The following THNSL1 variants were observed in gnomAD, a reference collection of about 807,000 sequenced individuals.
THNSL1 encodes the protein threonine synthase-like 1.
Under a neutral mutation model 50.4 loss-of-function variants are expected in THNSL1, and 48 were observed. The observed-to-expected ratio is 0.95, with a 90% CI of 0.76 to 1.21. The LOEUF (loss-of-function observed/expected upper bound fraction) is 1.21. Ranked by LOEUF, THNSL1 falls within the 50% of genes most tolerant of loss-of-function variation. The pLI, the probability that THNSL1 is intolerant of heterozygous loss-of-function variation, is 0.00. For synonymous variants in THNSL1, 309 were observed against 306.1 expected, an observed-to-expected ratio of 1.01 and a Z score of -0.10; for missense variants, 896 against 871.7, an observed-to-expected ratio of 1.03 and a Z score of -0.35.
the THNSL1 span, among the ~76,000 whole-genome samples, chr10:24,998,800 G>A: frequency 7.2e-5 from 11 of 152,080 alleles, no homozygotes; most frequent in African/African-American, 2.7e-4. Flanking sequence ...AAAACACAAG[G>A]CTACTTGATC....
chr10:24,966,832 A>C, the THNSL1 span, among the ~76,000 whole-genome samples: 28 of 152,342 alleles, frequency 1.8e-4, no homozygotes, highest in Admixed American at 6.5e-4. Flanking sequence ...TATCTACATC[A>C]TAAGGCTATT....
chr10:25,002,730 GT>G, the THNSL1 span, among the ~76,000 whole-genome samples: 2 of 151,890 alleles, frequency 1.3e-5, no homozygotes, highest in African/African-American at 2.4e-5. Context: ...AAACATTATT[GT>G]TTTTTTCCTT....
At chr10:25,021,110 A>G (rs1304324899) in intron 1 of THNSL1, among the ~76,000 whole-genome samples, 2 of 152,206 alleles carry the variant, frequency 1.3e-5, no homozygotes, top group Non-Finnish European at 2.9e-5. Flanking sequence ...AAACCAAACC[A>G]TAAAAAAAAT....
the THNSL1 span, among the ~76,000 whole-genome samples, chr10:25,006,081 A>G: frequency 6.6e-6 from 1 of 152,218 alleles, no homozygotes; most frequent in African/African-American, 2.4e-5. Context: ...AATTACATAC[A>G]TGACTCTCAT....
the THNSL1 span, among the ~76,000 whole-genome samples, chr10:24,962,912 C>A: frequency 6.6e-6 from 1 of 152,178 alleles, no homozygotes; most frequent in Non-Finnish European, 1.5e-5. Context: ...CCCTAAAAGT[C>A]ACACACACAG....
Position 25,025,557 on chromosome 10 carries a change from C to A in THNSL1, c.*102C>A. The A allele has an allele frequency of 8.8e-7, 1 of 1,138,862 alleles. No homozygotes were observed. The highest frequency in any genetic ancestry group is 1.2e-6 in the Non-Finnish European group (1 of 808,480). 70.5% of individuals were successfully genotyped at this position (1,138,862 alleles called of 1,614,324 possible). On this transcript the variant is annotated 3_prime_UTR_variant, in exon 3 of 3. Coordinates refer to ENST00000376356, the MANE Select transcript of THNSL1 (RefSeq NM_024838.5). ...AGCATTTTGTCTTTTATGTAAATAT[C>A]TCTATATCTGTTTGGAATTTCAAAA...
chr10:25,025,867 G>C lies in THNSL1; in HGVS notation c.*412G>C, dbSNP rs1850841070. 5.8e-6 allele frequency: 1 copy of C among 170,982 alleles called. No homozygotes were observed. Among genetic ancestry groups the C allele is most frequent in the Non-Finnish European group, 1.4e-5 (1 of 70,896 alleles). The allele number at this position is 170,982 out of a possible 1,614,324, so 10.6% of individuals were successfully genotyped here. ...GAAAGTTAATTTACCACTCAAAATG[G>C]CTAACTTGAATGGAGGAAGTAGTAA... is the stretch of plus-strand genomic sequence containing the variant. On this transcript the variant is annotated 3_prime_UTR_variant, in exon 3 of 3. Coordinates refer to ENST00000376356, the MANE Select transcript of THNSL1 (RefSeq NM_024838.5).
chr10:24,954,689 A>C, the THNSL1 span, among the ~76,000 whole-genome samples: 1 of 152,194 alleles, frequency 6.6e-6, no homozygotes. Context: ...CATCCTATAA[A>C]GGGCACAGAA....
chr10:25,023,801 A>T lies in THNSL1; in HGVS notation c.578A>T (p.Tyr193Phe), dbSNP rs1001769294. 6.2e-7 allele frequency: 1 copy of T among 1,614,102 alleles called. No homozygotes were observed. Among genetic ancestry groups the T allele is most frequent in the Non-Finnish European group, 8.5e-7 (1 of 1,180,036 alleles). The change falls in exon 3 of 3, where the codon TAT becomes TTT. Residue 193 changes from tyrosine to phenylalanine, a missense_variant. Transcript: ENST00000376356. ...TTACTTAAATTTAGAAGACAGTATT[A>T]TAAGAAGTGGTATGATGCTCGTGTT... ...KDLLKFRRQY[Y>F]KKWYDARVFC...
chr10:24,981,764 T>C, the THNSL1 span, among the ~76,000 whole-genome samples: 13 of 152,214 alleles, frequency 8.5e-5, no homozygotes, highest in African/African-American at 1.2e-4. Context: ...AGAAAGGTTA[T>C]GTAGCATACT....
At chr10:24,971,226 A>G in the THNSL1 span, among the ~76,000 whole-genome samples, 1 of 152,146 alleles carries the variant, frequency 6.6e-6, no homozygotes, top group Admixed American at 6.5e-5. Context: ...AGCCACCTGA[A>G]TAGATGGGAC....
At chr10:25,016,416 G>C (rs1183461609), upstream of THNSL1, among the ~76,000 whole-genome samples, 1 of 152,228 alleles carries the variant, frequency 6.6e-6, no homozygotes, top group South Asian at 2.1e-4. Context: ...GTGCGCAGGC[G>C]TCACCCAATA....
the THNSL1 span, among the ~76,000 whole-genome samples, chr10:24,980,674 C>G: frequency 1.1e-4 from 16 of 152,026 alleles, no homozygotes; most frequent in Admixed American, 2.0e-4. Context: ...TTTTTTTTCT[C>G]TTGACTCTGT....
At position 25,025,893 on chromosome 10, in the gene THNSL1, A is replaced by G. The variant is rs1252784690; in HGVS notation, c.*438A>G. The stretch of plus-strand genomic sequence containing the variant: ...CTAACTTGAATGGAGGAAGTAGTAA[A>G]CTCTTCTATTAGGATTTGGGCCAGT... On this transcript the variant is annotated 3_prime_UTR_variant, in exon 3 of 3. Coordinates refer to ENST00000376356, the MANE Select transcript of THNSL1 (RefSeq NM_024838.5). The G allele has an allele frequency of 5.9e-6, 1 of 169,158 alleles. No homozygotes were observed. The highest frequency in any genetic ancestry group is 1.4e-5 in the Non-Finnish European group (1 of 69,954). The allele number at this position is 169,158 out of a possible 1,614,324, so 10.5% of individuals were successfully genotyped here. A position where few individuals can be genotyped will look rare whatever the true frequency, so the allele number is the denominator to read the frequency against.
At chr10:25,003,134 G>C in the THNSL1 span, among the ~76,000 whole-genome samples, 2 of 151,714 alleles carry the variant, frequency 1.3e-5, no homozygotes, top group African/African-American at 4.8e-5. Flanking sequence ...AAATTTTCCA[G>C]AATAAATTCA....
the THNSL1 span, among the ~76,000 whole-genome samples, chr10:24,957,515 C>G: frequency 6.6e-6 from 1 of 152,082 alleles, no homozygotes; most frequent in African/African-American, 2.4e-5. Context: ...GAGTCTTGCT[C>G]TGTTGCCCAG....
the THNSL1 span, among the ~76,000 whole-genome samples, chr10:24,988,115 T>G: frequency 6.6e-6 from 1 of 151,476 alleles, no homozygotes; most frequent in African/African-American, 2.4e-5. Context: ...TTTCAGCTAC[T>G]CGGGAGGCTG....
chr10:25,002,588 A>T, the THNSL1 span, among the ~76,000 whole-genome samples: 19 of 151,746 alleles, frequency 1.3e-4, no homozygotes, highest in South Asian at 4.2e-4. Flanking sequence ...TGTTTCATAT[A>T]TTTTTTTTCT....
the THNSL1 span, among the ~76,000 whole-genome samples, chr10:25,004,467 G>A: frequency 2.0e-5 from 3 of 152,254 alleles, no homozygotes; most frequent in South Asian, 6.2e-4. Context: ...TGATTGGTGT[G>A]AGATGGTATC....
Sources: gnomAD v4.1 joint callset for allele counts (sites outside exome capture counted in the v4.1 genomes callset) on GRCh38, gnomAD v4.1.1 for gene constraint, MANE v1.5 for transcripts, NCBI Gene and HGNC (gene_info 2026-07-23, HGNC 2026-07-21) for gene names.